Variants in CENPL observed in about 807,000 individuals in gnomAD.
CENPL encodes centromere protein L.
A neutral mutation model predicts 35.2 loss-of-function variants in CENPL; 20 were observed. The observed-to-expected ratio is 0.57, with a 90% CI of 0.40 to 0.83. The LOEUF (loss-of-function observed/expected upper bound fraction) is 0.83. Among genes scored for constraint, CENPL ranks in the 40% least tolerant of loss-of-function variants. CENPL has a pLI of 0.00. For missense variants in CENPL, 363 were observed against 395.8 expected (o/e 0.92, Z 0.70); for synonymous variants, 140 against 140.6 (o/e 1.00, Z 0.03).
intron 5 of CENPL, among the ~76,000 whole-genome samples, chr1:173,802,124 T>C (rs1281731914): frequency 6.6e-6 from 1 of 152,090 alleles, no homozygotes; most frequent in Non-Finnish European, 1.5e-5. Flanking sequence ...AGTAACAAGA[T>C]CACAGGAAAC....
chr1:173,822,370 T>G (rs1571970262), intron 2 of CENPL: 1 of 152,184 alleles, frequency 6.6e-6, no homozygotes, highest in East Asian at 1.9e-4. Flanking sequence ...TCCAATTTAT[T>G]TACTGATTCT....
intron 2 of CENPL, among the ~76,000 whole-genome samples, chr1:173,811,804 T>G (rs1224298852): frequency 6.6e-6 from 1 of 152,226 alleles, no homozygotes; most frequent in Non-Finnish European, 1.5e-5. Flanking sequence ...TTCATCTCAC[T>G]GGGACTGGCT....
At position 173,803,266 on chromosome 1, in the gene CENPL, C is replaced by T. The variant is rs967731883; in HGVS notation, c.660G>A (p.Trp220Ter). Residue 220 changes from tryptophan (W) to a stop codon, truncating the protein, a stop_gained, in exon 5 of 6, where the codon TGG becomes TGA. Transcript: ENST00000682279. LOFTEE classifies it high-confidence loss of function. ...PLAINAFNLS[W>*]MAAMWTACKM... ...TGCATGCAGTCCACATGGCAGCCAT[C>T]CAGGAAAGATTAAATGCATTGATTG... 3.1e-6 allele frequency: 5 copies of T among 1,613,716 alleles called. No homozygotes were observed. Among genetic ancestry groups the T allele is most frequent in the Non-Finnish European group, 4.2e-6 (5 of 1,179,726 alleles).
At chr1:173,801,244 C>T (rs564541498) in intron 5 of CENPL, among the ~76,000 whole-genome samples, 1 of 152,052 alleles carries the variant, frequency 6.6e-6, no homozygotes, top group South Asian at 2.1e-4. Flanking sequence ...TGTCCAGGCA[C>T]GGTGGCTCAT....
At chr1:173,803,608 T>TA (rs1649956862) in intron 4 of CENPL, 103 bp from the exon 5 acceptor site, 2 of 1,038,666 alleles carry the variant, frequency 1.9e-6, no homozygotes, top group South Asian at 1.8e-5. Context: ...GCCAATGTAA[T>TA]ACTTGCAAAA....
chr1:173,819,369 T>C (rs573719463), intron 2 of CENPL, among the ~76,000 whole-genome samples: 1 of 152,258 alleles, frequency 6.6e-6, no homozygotes, highest in Non-Finnish European at 1.5e-5. Flanking sequence ...GAAAAGTGGA[T>C]CACCTGCAGT....
At position 173,807,191 on chromosome 1, in the gene CENPL, A is replaced by G. The variant is rs568664562; in HGVS notation, c.420+76T>C. On this transcript the variant is annotated intron_variant, in intron 4 of 5. Coordinates refer to ENST00000682279, the MANE Select transcript of CENPL (RefSeq NM_001387287.1). ...GGAAAAAATTTTTTAAGTTGATTAT[A>G]TCTAATTATTATAGTTTAGTCAAAC... is the stretch of plus-strand genomic sequence containing the variant. The G allele has an allele frequency of 5.4e-6, 7 of 1,304,098 alleles. No homozygotes were observed. In the East Asian group the frequency reaches 1.7e-4, roughly 32 times the overall value. The allele number at this position is 1,304,098 out of a possible 1,614,324, so 80.8% of individuals were successfully genotyped here.
chr1:173,805,558 T>C (rs1032600637), intron 4 of CENPL, among the ~76,000 whole-genome samples: 24 of 151,236 alleles, frequency 1.6e-4, no homozygotes, highest in Admixed American at 1.4e-3. Context: ...GAGTACTCAC[T>C]GAAAAAAAAG....
Position 173,802,998 on chromosome 1 carries a change from A to C in CENPL, c.928T>G (p.Ser310Ala), listed in dbSNP as rs750604400. 1 of 1,613,152 alleles carries C rather than the reference A, an allele frequency of 6.2e-7. No homozygotes were observed. The highest frequency in any genetic ancestry group is 8.5e-7 in the Non-Finnish European group (1 of 1,179,224). ...SATRLVRVST[S>A]VASAHTDGKI... ...CCATCAGTATGTGCTGAAGCTACAG[A>C]TGTTGAAACACGAACTAATCTTGTG... The change falls in exon 5 of 6, where the codon TCT becomes GCT. Residue 310 changes from serine to alanine, a missense_variant. Transcript: ENST00000682279.
intron 5 of CENPL, among the ~76,000 whole-genome samples, 181 bp from the exon 6 acceptor site, chr1:173,800,700 C>T (rs1571955320): frequency 6.6e-6 from 1 of 152,180 alleles, no homozygotes; most frequent in East Asian, 1.9e-4. Flanking sequence ...ATAATCCCAG[C>T]ACTTTGAGAG....
At position 173,803,370 on chromosome 1, in the gene CENPL, C is replaced by T. The variant is rs1310750273; in HGVS notation, c.556G>A (p.Ala186Thr). 1.2e-6 allele frequency: 2 copies of T among 1,613,934 alleles called. No homozygotes were observed. Among genetic ancestry groups the T allele is most frequent in the Admixed American group, 1.7e-5 (1 of 59,996 alleles). The stretch of plus-strand genomic sequence containing the variant: ...GCTGTGTTAGACTCTGCTCCATTTG[C>T]AAGGAATAAGGGCAGACAGGTGAAA... ...EDFTCLPLFLANGAESNTAII... is the reference protein window; with the variant it reads ...EDFTCLPLFLTNGAESNTAII... The change falls in exon 5 of 6, where the codon GCA becomes ACA. Residue 186 changes from alanine to threonine, a missense_variant. Physicochemically the swap from Ala to Thr is moderately conservative, Grantham distance 58. Transcript: ENST00000682279.
chr1:173,807,294 T>C lies in CENPL; in HGVS notation c.393A>G (p.Gln131=), dbSNP rs1650322334. The C allele has an allele frequency of 5.0e-6, 8 of 1,611,474 alleles. No homozygotes were observed. Among genetic ancestry groups the C allele is most frequent in the East Asian group, 4.5e-5 (2 of 44,830 alleles). Residue 131 remains glutamine, a synonymous_variant, in exon 4 of 6, where the codon CAA becomes CAG. Coordinates refer to ENST00000682279, the MANE Select transcript of CENPL (RefSeq NM_001387287.1). ...GGACAAGAAATGCTTCCGGGTCCCT[T>C]TGTGTTCCTTTCATTCCTAGGAGAG... is the stretch of plus-strand genomic sequence containing the variant. ...FSTLLGMKGT[Q]RDPEAFLVQI... is the part of the protein sequence containing the mutation.
At chr1:173,803,766 G>A (rs1458521097) in intron 4 of CENPL, among the ~76,000 whole-genome samples, 1 of 151,886 alleles carries the variant, frequency 6.6e-6, no homozygotes, top group Non-Finnish European at 1.5e-5. Flanking sequence ...CCACCTCCTG[G>A]GTTCAAGTGA....
chr1:173,809,611 A>T (rs1650604640), intron 3 of CENPL, among the ~76,000 whole-genome samples: 2 of 151,522 alleles, frequency 1.3e-5, no homozygotes, highest in South Asian at 4.2e-4. Flanking sequence ...AAAAAACAAA[A>T]CAACAACAAA....
rs1272565723 is a variant in CENPL, at chr1:173,824,868, C to A, written c.-758G>T. 3 of 338,292 alleles carry A rather than the reference C, an allele frequency of 8.9e-6. No individual in the cohort carries two copies. Among genetic ancestry groups the A allele is most frequent in the Non-Finnish European group, 1.7e-5 (3 of 172,058 alleles). 21.0% of individuals were successfully genotyped at this position (338,292 alleles called of 1,614,324 possible). ...GAGAAGCGTGGAAAGAGGAGAAGGGCGTATACCTTGTGACCGCCTCTGGTT... is the reference window on the plus strand; with the variant it reads ...GAGAAGCGTGGAAAGAGGAGAAGGGAGTATACCTTGTGACCGCCTCTGGTT... On this transcript the variant is annotated 5_prime_UTR_variant, in exon 1 of 6. Transcript: ENST00000682279.
At chr1:173,806,829 T>C (rs1014413674) in intron 4 of CENPL, among the ~76,000 whole-genome samples, 1 of 152,132 alleles carries the variant, frequency 6.6e-6, no homozygotes, top group Non-Finnish European at 1.5e-5. Context: ...AGCCTTAAAA[T>C]GTTACATTTC....
intron 2 of CENPL, among the ~76,000 whole-genome samples, chr1:173,816,613 G>A (rs1651404958): frequency 6.6e-6 from 1 of 152,090 alleles, no homozygotes; most frequent in African/African-American, 2.4e-5. Flanking sequence ...AATGGTGCTG[G>A]GAAAACTGGC....
intron 4 of CENPL, among the ~76,000 whole-genome samples, chr1:173,804,452 C>A (rs567640562): frequency 6.6e-6 from 1 of 152,324 alleles, no homozygotes; most frequent in South Asian, 2.1e-4. Flanking sequence ...GCATAGGAAT[C>A]ATTCATAAGT....
chr1:173,808,095 T>C (rs894061772), intron 3 of CENPL, among the ~76,000 whole-genome samples: 1 of 152,122 alleles, frequency 6.6e-6, no homozygotes, highest in African/African-American at 2.4e-5. Context: ...AAGTATCTAA[T>C]TTGATTAGTC....
Sources: allele counts gnomAD v4.1 joint callset (sites outside exome capture counted in the v4.1 genomes callset), GRCh38; gene constraint gnomAD v4.1.1; transcripts MANE v1.5; gene names NCBI Gene and HGNC (gene_info 2026-07-23, HGNC 2026-07-21).